The following GRID1 variants were observed in gnomAD, a reference collection of about 807,000 sequenced individuals.
GRID1 encodes the protein glutamate ionotropic receptor delta type subunit 1.
Under a neutral mutation model 98.0 loss-of-function variants are expected in GRID1, and 28 were observed. That is an observed-to-expected ratio of 0.29 (90% CI 0.21 to 0.39). The LOEUF is 0.39. GRID1 is among the 10% of genes least tolerant of loss of function. The probability of loss-of-function intolerance (pLI) is 1.00; values close to 1 mark genes in which losing one functional copy is unlikely to be tolerated. For missense variants in GRID1, 1,111 were observed against 1,340.5 expected, an observed-to-expected ratio of 0.83 and a Z score of 2.67; for synonymous variants, 553 against 538.5, an observed-to-expected ratio of 1.03 and a Z score of -0.37.
chr10:86,084,290 A>G (rs1192795293), intron 4 of GRID1, among the ~76,000 whole-genome samples: 1 of 151,988 alleles, frequency 6.6e-6, no homozygotes, highest in African/African-American at 2.4e-5. Context: ...CCTTATACTC[A>G]TTAGGATGGC....
intron 4 of GRID1, among the ~76,000 whole-genome samples, chr10:86,061,901 G>A (rs907413330): frequency 2.0e-5 from 3 of 152,154 alleles, no homozygotes; most frequent in African/African-American, 7.2e-5. Flanking sequence ...TCTTTCTCTA[G>A]TGATAAGCAG....
At chr10:85,949,841 G>C (rs1351054393) in intron 4 of GRID1, among the ~76,000 whole-genome samples, 1 of 152,174 alleles carries the variant, frequency 6.6e-6, no homozygotes, top group African/African-American at 2.4e-5. Flanking sequence ...TCTTGTGTGT[G>C]TGTCTATAGG....
intron 6 of GRID1, among the ~76,000 whole-genome samples, chr10:85,865,944 C>G (rs7342011): frequency 1.5e-5 from 1 of 65,804 alleles, no homozygotes; most frequent in Non-Finnish European, 2.8e-5. Flanking sequence ...TATATATATA[C>G]ACATATATAT....
Position 86,366,379 on chromosome 10 carries a change from G to C in GRID1, c.14C>G (p.Thr5Arg). 1 of 1,511,300 alleles carries C rather than the reference G, an allele frequency of 6.6e-7. No individual in the cohort carries two copies. Among genetic ancestry groups the C allele is most frequent in the Non-Finnish European group, 8.9e-7 (1 of 1,127,106 alleles). The allele number at this position is 1,511,300 out of a possible 1,614,324, so 93.6% of individuals were successfully genotyped here. Residue 5 changes from threonine to arginine, a missense_variant, in exon 1 of 16, where the codon ACG becomes AGG. By Grantham distance (71) the Thr-to-Arg change is moderately conservative. Transcript: ENST00000327946. This position sits in a 1 kb window ranked among gnomAD's most constrained non-coding sequence, Gnocchi z 4.1. ...GCATATCCAGGGGAGAAGCCACAGC[G>C]TCAGCGCTTCCATGTCCCCCGGGCG... is the stretch of plus-strand genomic sequence containing the variant. MEALTLWLLPWICQC... is the reference protein window; with the variant it reads MEALRLWLLPWICQC...
intron 4 of GRID1, among the ~76,000 whole-genome samples, chr10:86,000,813 TA>T (rs1340057265): frequency 2.6e-5 from 4 of 152,288 alleles, no homozygotes; most frequent in African/African-American, 9.6e-5. Context: ...ATAGTTTTAA[TA>T]AAGTTAAATA....
intron 8 of GRID1, among the ~76,000 whole-genome samples, chr10:85,852,002 A>T (rs1843063100): frequency 6.6e-6 from 1 of 151,930 alleles, no homozygotes; most frequent in Admixed American, 6.6e-5. Flanking sequence ...TCTGCCTCCA[A>T]ATGCTGCCCT....
At chr10:85,993,200 A>G (rs1842702557) in intron 4 of GRID1, among the ~76,000 whole-genome samples, 1 of 152,188 alleles carries the variant, frequency 6.6e-6, no homozygotes, top group African/African-American at 2.4e-5. Flanking sequence ...GCCTCAGAAC[A>G]GCAGGTACAG....
intron 12 of GRID1, among the ~76,000 whole-genome samples, chr10:85,677,982 G>A (rs1283114717): frequency 6.6e-6 from 1 of 152,094 alleles, no homozygotes; most frequent in Non-Finnish European, 1.5e-5. Context: ...TACAGAAGAA[G>A]GGATTTAACT....
At chr10:86,077,085 C>T (rs975123407) in intron 4 of GRID1, among the ~76,000 whole-genome samples, 6 of 137,802 alleles carry the variant, frequency 4.4e-5, no homozygotes, top group Non-Finnish European at 9.5e-5. Context: ...CATACTGAGT[C>T]AAACTGGCAG....
chr10:85,986,381 G>A (rs1842608889), intron 4 of GRID1, among the ~76,000 whole-genome samples: 1 of 152,226 alleles, frequency 6.6e-6, no homozygotes, highest in Non-Finnish European at 1.5e-5. Flanking sequence ...AGTCCAAGAG[G>A]AAGAAAATAA....
intron 8 of GRID1, among the ~76,000 whole-genome samples, chr10:85,771,257 C>T (rs1303722878): frequency 6.6e-6 from 1 of 152,150 alleles, no homozygotes; most frequent in Non-Finnish European, 1.5e-5. Flanking sequence ...AAATACTTTA[C>T]AGACAAGCAA....
chr10:86,141,270 C>T (rs1845007430), intron 3 of GRID1, among the ~76,000 whole-genome samples: 1 of 152,204 alleles, frequency 6.6e-6, no homozygotes, highest in Non-Finnish European at 1.5e-5. Context: ...AGAGAGGCAA[C>T]TCAGTCTCCA....
intron 8 of GRID1, among the ~76,000 whole-genome samples, chr10:85,852,859 G>A (rs1035995598): frequency 6.6e-6 from 1 of 152,104 alleles, no homozygotes; most frequent in Non-Finnish European, 1.5e-5. Context: ...GTCACACCCT[G>A]GCCCTACATG....
At chr10:86,270,541 T>C (rs1847169084) in intron 2 of GRID1, among the ~76,000 whole-genome samples, 1 of 151,956 alleles carries the variant, frequency 6.6e-6, no homozygotes, top group African/African-American at 2.4e-5. Flanking sequence ...AACACAAAAA[T>C]TAGCCAGGTG....
In GRID1 at chr10:85,917,225, T is replaced by C. The variant is rs145857820; in HGVS notation, c.727-986A>G. 1.3e-3 allele frequency among the ~76,000 whole-genome samples: 200 copies of C among 152,264 alleles called. No homozygotes were observed. The Middle Eastern group carries it at 0.014, about 10-fold the overall frequency. ...CCTGGGCACTGAGCCAGGCTGACTA[T>C]GAACCTGGACAAGAGCTATCAGATT... is the stretch of plus-strand genomic sequence containing the variant. On this transcript the variant is annotated intron_variant, in intron 4 of 15. Transcript: ENST00000327946.
chr10:85,830,139 C>A (rs933125624), intron 8 of GRID1, among the ~76,000 whole-genome samples: 5 of 151,974 alleles, frequency 3.3e-5, no homozygotes, highest in African/African-American at 1.2e-4. Flanking sequence ...GAATAAAGAG[C>A]CCAGAAAGAA....
intron 2 of GRID1, among the ~76,000 whole-genome samples, chr10:86,276,101 C>A (rs1044179865): frequency 5.3e-5 from 8 of 152,194 alleles, no homozygotes; most frequent in African/African-American, 1.7e-4. Flanking sequence ...CAGAATACCA[C>A]AAATTGGGTG....
intron 4 of GRID1, among the ~76,000 whole-genome samples, chr10:86,008,103 C>A (rs1028376578): frequency 2.5e-4 from 38 of 152,260 alleles, no homozygotes; most frequent in African/African-American, 8.4e-4. Context: ...GCCACCATCT[C>A]CCCTGTTGGC....
chr10:86,264,316 T>C (rs1847069342), intron 2 of GRID1, among the ~76,000 whole-genome samples: 1 of 152,198 alleles, frequency 6.6e-6, no homozygotes, highest in Non-Finnish European at 1.5e-5. Flanking sequence ...CTACAACATT[T>C]CCTTGGCCCG....
Sources: allele counts gnomAD v4.1 joint callset (sites outside exome capture counted in the v4.1 genomes callset), GRCh38; gene constraint gnomAD v4.1.1; non-coding constraint Gnocchi (gnomAD v3.1); transcripts MANE v1.5; gene names NCBI Gene and HGNC (gene_info 2026-07-23, HGNC 2026-07-21).